ARL15: variants seen among roughly 807,000 people sequenced by gnomAD.
ARL15 encodes ARF like GTPase 15.
Under a neutral mutation model 25.2 loss-of-function variants are expected in ARL15, and 19 were observed. That is an observed-to-expected ratio of 0.75 (90% confidence interval 0.53 to 1.10). ARL15 has a LOEUF of 1.10. Among genes scored for constraint, ARL15 ranks in the 50% least tolerant of loss-of-function variants. The pLI is 0.00. For synonymous variants in ARL15, 94 were observed against 86.8 expected (o/e 1.08, Z -0.46); for missense variants, 220 against 246.0 (o/e 0.89, Z 0.71).
intron 4 of ARL15, among the ~76,000 whole-genome samples, chr5:53,982,448 T>G (rs1307752401): frequency 6.6e-6 from 1 of 151,906 alleles, no homozygotes; most frequent in East Asian, 1.9e-4. Flanking sequence ...TGGTTTTTTG[T>G]TCCTGTGTTA....
chr5:53,892,052 C>G (rs1167287102), intron 4 of ARL15, among the ~76,000 whole-genome samples: 1 of 152,178 alleles, frequency 6.6e-6, no homozygotes. Context: ...TAATACTGCA[C>G]AGTTTACTAA....
At chr5:54,037,504 C>G (rs1327224911) in intron 4 of ARL15, among the ~76,000 whole-genome samples, 1 of 152,032 alleles carries the variant, frequency 6.6e-6, no homozygotes, top group Non-Finnish European at 1.5e-5. Flanking sequence ...AAACTAGCCA[C>G]TGAACTAAAA....
At chr5:54,032,190 A>G (rs1653118043) in intron 4 of ARL15, among the ~76,000 whole-genome samples, 1 of 152,080 alleles carries the variant, frequency 6.6e-6, no homozygotes, top group Non-Finnish European at 1.5e-5. Flanking sequence ...AATTTTTCTT[A>G]GGTCTAAATG....
At chr5:54,298,785 G>A (rs1758535701) in intron 1 of ARL15, among the ~76,000 whole-genome samples, 1 of 151,842 alleles carries the variant, frequency 6.6e-6, no homozygotes, top group South Asian at 2.1e-4. Flanking sequence ...ACTTTTTCCT[G>A]GAAAGTCTCT....
intron 4 of ARL15, among the ~76,000 whole-genome samples, chr5:53,955,748 G>A (rs1476003948): frequency 6.6e-6 from 1 of 152,208 alleles, no homozygotes. Flanking sequence ...CAGTCTTAAA[G>A]GCAACAGTCT....
chr5:54,107,351 T>C (rs1244591895), intron 4 of ARL15, among the ~76,000 whole-genome samples: 2 of 151,948 alleles, frequency 1.3e-5, no homozygotes, highest in Admixed American at 6.6e-5. Context: ...GAATAGTGAG[T>C]GGTACATAAG....
At chr5:53,926,341 C>A (rs1037632412) in intron 4 of ARL15, among the ~76,000 whole-genome samples, 2 of 152,028 alleles carry the variant, frequency 1.3e-5, no homozygotes, top group African/African-American at 4.8e-5. Context: ...CCAGTGGAAT[C>A]TGGGACCATG....
intron 1 of ARL15, among the ~76,000 whole-genome samples, chr5:54,231,302 T>G (rs1294282666): frequency 1.3e-5 from 2 of 152,110 alleles, no homozygotes; most frequent in African/African-American, 4.8e-5. Flanking sequence ...TCTACAAAAC[T>G]ATTAAACTGT....
At chr5:53,935,857 T>G (rs2112068042) in intron 4 of ARL15, among the ~76,000 whole-genome samples, 1 of 152,332 alleles carries the variant, frequency 6.6e-6, no homozygotes, top group South Asian at 2.1e-4. Context: ...CAAGTGATTC[T>G]CCTGCCTCAG....
intron 4 of ARL15, among the ~76,000 whole-genome samples, chr5:54,093,949 C>T (rs942500279): frequency 1.3e-5 from 2 of 152,144 alleles, no homozygotes; most frequent in Non-Finnish European, 2.9e-5. Flanking sequence ...AATCCACATT[C>T]TTAAGTGCAG....
At chr5:54,047,518 A>T (rs1400232489) in intron 4 of ARL15, among the ~76,000 whole-genome samples, 1 of 152,102 alleles carries the variant, frequency 6.6e-6, no homozygotes, top group African/African-American at 2.4e-5. Flanking sequence ...TTCATATAAA[A>T]CCTCAGTAAA....
intron 4 of ARL15, among the ~76,000 whole-genome samples, chr5:54,069,927 G>A (rs1380243531): frequency 2.7e-5 from 4 of 150,842 alleles, no homozygotes; most frequent in Admixed American, 2.0e-4. Context: ...CACCCACCTC[G>A]GCCTCCCAAA....
chr5:53,907,892 G>T (rs1238035320), intron 4 of ARL15, among the ~76,000 whole-genome samples: 1 of 151,884 alleles, frequency 6.6e-6, no homozygotes, highest in African/African-American at 2.4e-5. Flanking sequence ...ATATTGCTTT[G>T]GGCATCTAGA....
intron 1 of ARL15, among the ~76,000 whole-genome samples, chr5:54,303,184 G>A (rs1446807415): frequency 6.6e-6 from 1 of 151,970 alleles, no homozygotes; most frequent in Non-Finnish European, 1.5e-5. Context: ...TGACTTCCCA[G>A]GCAGTGCGTG....
At chr5:53,898,175 A>G (rs960323086) in intron 4 of ARL15, among the ~76,000 whole-genome samples, 1 of 152,224 alleles carries the variant, frequency 6.6e-6, no homozygotes, top group Non-Finnish European at 1.5e-5. Flanking sequence ...GAAAATCTGC[A>G]TATAAGTGGA....
chr5:54,118,490 C>T (rs1752975558), intron 3 of ARL15, among the ~76,000 whole-genome samples: 1 of 152,086 alleles, frequency 6.6e-6, no homozygotes, highest in African/African-American at 2.4e-5. Context: ...AAATTTTTAA[C>T]ATGGCTTTAA....
intron 4 of ARL15, among the ~76,000 whole-genome samples, chr5:53,892,287 T>C (rs985974753): frequency 2.0e-5 from 3 of 152,222 alleles, no homozygotes; most frequent in Non-Finnish European, 4.4e-5. Context: ...GGAGTCTAGG[T>C]TGACAACTTT....
intron 3 of ARL15, among the ~76,000 whole-genome samples, chr5:54,153,581 T>G (rs1241643844): frequency 6.6e-6 from 1 of 152,146 alleles, no homozygotes; most frequent in African/African-American, 2.4e-5. Context: ...AAATCGGAAT[T>G]TATTGATCAT....
intron 1 of ARL15, among the ~76,000 whole-genome samples, chr5:54,205,826 G>A (rs1755851281): frequency 6.6e-6 from 1 of 152,172 alleles, no homozygotes; most frequent in Non-Finnish European, 1.5e-5. Flanking sequence ...AAAGTTACCT[G>A]ATGACCGACC....
Sources: allele counts gnomAD v4.1 joint callset (sites outside exome capture counted in the v4.1 genomes callset), GRCh38; gene constraint gnomAD v4.1.1; transcripts MANE v1.5; gene names NCBI Gene and HGNC (gene_info 2026-07-23, HGNC 2026-07-21).